The following DPF3 variants were observed in gnomAD, a reference collection of about 807,000 sequenced individuals.
DPF3 encodes the protein double PHD fingers 3.
A neutral mutation model predicts 56.8 loss-of-function variants in DPF3; 18 were observed. That is an observed-to-expected ratio of 0.32 (90% CI 0.22 to 0.47). DPF3 has a LOEUF of 0.47. Among genes scored for constraint, DPF3 ranks in the 20% least tolerant of loss-of-function variants. The pLI is 1.00. For synonymous variants in DPF3, 188 were observed against 180.2 expected, an observed-to-expected ratio of 1.04 and a Z score of -0.35; for missense variants, 403 against 488.8, an observed-to-expected ratio of 0.82 and a Z score of 1.65.
chr14:72,708,169 G>A (rs962271671), intron 6 of DPF3, among the ~76,000 whole-genome samples: 7 of 152,068 alleles, frequency 4.6e-5, no homozygotes, highest in Non-Finnish European at 5.9e-5. Flanking sequence ...GCCAAGATGC[G>A]AGCCCTGGAG....
At chr14:72,748,059 C>A (rs1890399913) in intron 3 of DPF3, among the ~76,000 whole-genome samples, 2 of 152,210 alleles carry the variant, frequency 1.3e-5, no homozygotes, top group South Asian at 4.1e-4. Flanking sequence ...AACTTTGCAA[C>A]TGGGTAACAG....
At chr14:72,818,571 G>A (rs949601575) in intron 1 of DPF3, among the ~76,000 whole-genome samples, 5 of 152,274 alleles carry the variant, frequency 3.3e-5, no homozygotes, top group East Asian at 1.9e-4. Flanking sequence ...CAGCTACATC[G>A]CAGGCTGAGG....
At chr14:72,883,624 T>A (rs564476355) in intron 1 of DPF3, among the ~76,000 whole-genome samples, 1 of 152,292 alleles carries the variant, frequency 6.6e-6, no homozygotes, top group East Asian at 1.9e-4. Flanking sequence ...TGCTCTCTGG[T>A]CTACTTTTCT....
intron 1 of DPF3, among the ~76,000 whole-genome samples, chr14:72,883,538 CA>C (rs1886397627): frequency 6.6e-6 from 1 of 152,110 alleles, no homozygotes; most frequent in Non-Finnish European, 1.5e-5. Context: ...AGCTTTGCAG[CA>C]AGACTGAATC....
intron 8 of DPF3, among the ~76,000 whole-genome samples, chr14:72,643,325 C>T (rs1447838180): frequency 6.6e-6 from 1 of 152,214 alleles, no homozygotes; most frequent in Non-Finnish European, 1.5e-5. Context: ...ACTAGCTGTC[C>T]CCTCAGGCCC....
At chr14:72,867,826 C>T (rs1043545274) in intron 1 of DPF3, among the ~76,000 whole-genome samples, 4 of 152,146 alleles carry the variant, frequency 2.6e-5, no homozygotes, top group African/African-American at 9.7e-5. Flanking sequence ...GCAACCTCTA[C>T]CTCCCAGGCT....
chr14:72,711,116 A>C (rs575207678), intron 6 of DPF3, among the ~76,000 whole-genome samples: 5 of 152,332 alleles, frequency 3.3e-5, no homozygotes, highest in Admixed American at 2.6e-4. Context: ...ATCACATCAG[A>C]ATATAGCTTA....
intron 1 of DPF3, among the ~76,000 whole-genome samples, chr14:72,871,903 C>A (rs1885915065): frequency 6.6e-6 from 1 of 152,206 alleles, no homozygotes; most frequent in Non-Finnish European, 1.5e-5. Flanking sequence ...GAGGCTCCAA[C>A]CCCACATTTC....
chr14:72,756,822 CAGAAAGAAAGAA>C lies in DPF3; in HGVS notation c.194-3463_194-3452del, dbSNP rs71109746. On this transcript the variant is annotated intron_variant, in intron 2 of 10. Transcript: ENST00000556509. ...CAAGATTCTGTGAAAGAAAGAAAGA[CAGAAAGAAAGAA>C]AGAAAGAAAGAAAGAAAGAAAGAAA... 2.4e-3 allele frequency among the ~76,000 whole-genome samples: 171 copies of C among 70,048 alleles called. 2 individuals carry two copies. Among genetic ancestry groups the C allele is most frequent in the South Asian group, 4.4e-3 (8 of 1,820 alleles). 46.0% of individuals were successfully genotyped at this position (70,048 alleles called of 152,430 possible).
intron 2 of DPF3, among the ~76,000 whole-genome samples, chr14:72,766,415 A>C (rs1197133988): frequency 6.6e-6 from 1 of 152,214 alleles, no homozygotes; most frequent in Non-Finnish European, 1.5e-5. Flanking sequence ...GTATTATTTT[A>C]TCTATCTACC....
intron 9 of DPF3, among the ~76,000 whole-genome samples, chr14:72,628,026 G>A (rs1051277978): frequency 2.6e-5 from 4 of 151,894 alleles, no homozygotes; most frequent in African/African-American, 9.7e-5. Context: ...ATTCTCTAAG[G>A]TTTTCCAGAT....
chr14:72,856,902 C>T (rs973386800), intron 1 of DPF3, among the ~76,000 whole-genome samples: 2 of 152,164 alleles, frequency 1.3e-5, no homozygotes, highest in Admixed American at 1.3e-4. Context: ...AAATGTGGGG[C>T]GAGGACTTAG....
chr14:72,650,162 A>C (rs1304546378), intron 8 of DPF3, among the ~76,000 whole-genome samples: 2 of 152,050 alleles, frequency 1.3e-5, no homozygotes, highest in African/African-American at 4.8e-5. Flanking sequence ...GACCCAGAGG[A>C]TGGCCTGGGG....
At chr14:72,776,262 ACTT>A in intron 1 of DPF3, among the ~76,000 whole-genome samples, 1 of 152,270 alleles carries the variant, frequency 6.6e-6, no homozygotes, top group Non-Finnish European at 1.5e-5. Context: ...TCAACAACTG[ACTT>A]CAGGCTACTC....
chr14:72,746,635 C>T (rs910546005), intron 3 of DPF3, among the ~76,000 whole-genome samples: 1 of 152,262 alleles, frequency 6.6e-6, no homozygotes, highest in Non-Finnish European at 1.5e-5. Flanking sequence ...AATAAGCCTG[C>T]CTTGGGGGAA....
At chr14:72,828,089 T>C (rs1192608249) in intron 1 of DPF3, among the ~76,000 whole-genome samples, 1 of 152,220 alleles carries the variant, frequency 6.6e-6, no homozygotes, top group Admixed American at 6.5e-5. Context: ...AAAAATATTA[T>C]CTCATGTTCA....
chr14:72,669,952 C>G (rs1886595852), intron 8 of DPF3: 1 of 985,804 alleles, frequency 1.0e-6, no homozygotes, highest in Non-Finnish European at 1.2e-6. Context: ...CAAGACATAC[C>G]TTTTGACTAG....
At chr14:72,882,050 GT>G (rs1047487939) in intron 1 of DPF3, among the ~76,000 whole-genome samples, 3 of 151,856 alleles carry the variant, frequency 2.0e-5, no homozygotes, top group African/African-American at 4.8e-5. Flanking sequence ...GAAGCTTTGG[GT>G]TTTTTTTCTT....
At chr14:72,730,209 A>T (rs1162613025) in intron 4 of DPF3, among the ~76,000 whole-genome samples, 1 of 151,718 alleles carries the variant, frequency 6.6e-6, no homozygotes, top group African/African-American at 2.4e-5. Flanking sequence ...GGGAGAGGGG[A>T]TGCGGGAGAA....
Sources: gnomAD v4.1 joint callset for allele counts (sites outside exome capture counted in the v4.1 genomes callset) on GRCh38, gnomAD v4.1.1 for gene constraint, MANE v1.5 for transcripts, NCBI Gene and HGNC (gene_info 2026-07-23, HGNC 2026-07-21) for gene names.